The following KAT2B variants were observed in gnomAD, a reference collection of about 807,000 sequenced individuals.
KAT2B encodes the protein lysine acetyltransferase 2B, also known as histone acetyltransferase KAT2B.
KAT2B carries 36 observed loss-of-function variants against 105.9 expected under a neutral mutation model. The ratio of observed to expected loss-of-function variants is 0.34; its 90% CI spans 0.26 to 0.45. The LOEUF (loss-of-function observed/expected upper bound fraction) is 0.45. KAT2B is among the 20% of genes least tolerant of loss of function. The pLI is 1.00. For missense variants in KAT2B, 820 were observed against 1,021.6 expected, an observed-to-expected ratio of 0.80 and a Z score of 2.69; for synonymous variants, 397 against 377.9, an observed-to-expected ratio of 1.05 and a Z score of -0.59.
At chr3:20,109,927 A>G (rs1699089917) in intron 5 of KAT2B, among the ~76,000 whole-genome samples, 2 of 152,164 alleles carry the variant, frequency 1.3e-5, no homozygotes, top group Admixed American at 1.3e-4. Flanking sequence ...CAGATGAACT[A>G]ACACTAATGA....
At chr3:20,047,752 A>T (rs952065211) in intron 1 of KAT2B, among the ~76,000 whole-genome samples, 2 of 151,932 alleles carry the variant, frequency 1.3e-5, no homozygotes, top group African/African-American at 4.8e-5. Context: ...AGCTGGGATT[A>T]CAGGCAAGTG....
intron 1 of KAT2B, among the ~76,000 whole-genome samples, chr3:20,066,831 A>G (rs1698230858): frequency 6.6e-6 from 1 of 152,120 alleles, no homozygotes. Flanking sequence ...AAATATTATT[A>G]TAATATGTAA....
At chr3:20,139,301 A>G (rs993314551) in intron 12 of KAT2B, among the ~76,000 whole-genome samples, 1 of 152,116 alleles carries the variant, frequency 6.6e-6, no homozygotes, top group Non-Finnish European at 1.5e-5. Flanking sequence ...CCTATTTATT[A>G]TCTTCTCATT....
At chr3:20,078,532 C>T (rs758167989) in intron 2 of KAT2B, among the ~76,000 whole-genome samples, 13 of 151,486 alleles carry the variant, frequency 8.6e-5, no homozygotes, top group Non-Finnish European at 1.5e-4. Context: ...AGCAACATGC[C>T]CAGCTAATTT....
intron 1 of KAT2B, among the ~76,000 whole-genome samples, chr3:20,043,150 C>T (rs1697748762): frequency 6.6e-6 from 1 of 152,096 alleles, no homozygotes; most frequent in East Asian, 1.9e-4. Flanking sequence ...AGCAATTTGC[C>T]CGCCTTGCTT....
chr3:20,065,763 G>C (rs182840536), intron 1 of KAT2B, among the ~76,000 whole-genome samples: 1 of 151,948 alleles, frequency 6.6e-6, no homozygotes, highest in African/African-American at 2.4e-5. Context: ...ATATCAATAG[G>C]GTATAACTTT....
intron 1 of KAT2B, among the ~76,000 whole-genome samples, chr3:20,059,783 A>G (rs1444589731): frequency 6.6e-6 from 1 of 152,232 alleles, no homozygotes; most frequent in African/African-American, 2.4e-5. Context: ...TAAGTGTACA[A>G]TTCAATGATT....
intron 9 of KAT2B, among the ~76,000 whole-genome samples, chr3:20,125,421 A>AGTTT (rs1198152816): frequency 3.3e-5 from 5 of 152,220 alleles, no homozygotes; most frequent in Non-Finnish European, 7.3e-5. Flanking sequence ...GATTCCTTGA[A>AGTTT]GCCAGAGGTT....
intron 7 of KAT2B, among the ~76,000 whole-genome samples, chr3:20,116,046 C>T (rs999663153): frequency 1.3e-5 from 2 of 151,870 alleles, no homozygotes; most frequent in Non-Finnish European, 2.9e-5. Flanking sequence ...TGTTTGAGCT[C>T]ATTACCAAAA....
Position 20,072,388 on chromosome 3 carries a change from C to T in KAT2B, c.359C>T (p.Pro120Leu). Residue 120 changes from proline (P) to leucine (L), a missense_variant, in exon 2 of 18, where the codon CCC becomes CTC. By Grantham distance (98) the Pro-to-Leu change is moderately conservative (BLOSUM62 -3). This residue lies in a region of KAT2B where 190 missense variants were observed against 176.7 expected (regional missense o/e 1.08). Coordinates refer to ENST00000263754, the MANE Select transcript of KAT2B (RefSeq NM_003884.5). The part of the protein sequence containing the change: ...GWKNPNPSPT[P>L]PRADLQQIIV... ...AAAAACCCTAACCCCTCACCCACTCCCCCCAGAGCCGACCTGCAGCAAATA... is the reference window on the plus strand; with the variant it reads ...AAAAACCCTAACCCCTCACCCACTCTCCCCAGAGCCGACCTGCAGCAAATA... 6.2e-7 allele frequency: 1 copy of T among 1,613,158 alleles called. No homozygotes were observed. Among genetic ancestry groups the T allele is most frequent in the Non-Finnish European group, 8.5e-7 (1 of 1,179,142 alleles).
At chr3:20,049,127 C>T (rs2365790) in intron 1 of KAT2B, among the ~76,000 whole-genome samples, 97,191 of 151,892 alleles carry the variant, frequency 0.64, 31,955 homozygotes, top group African/African-American at 0.78. Context: ...CTCAAAGTGC[C>T]GGGATTACAG....
chr3:20,097,018 C>T (rs1208305093), intron 3 of KAT2B, among the ~76,000 whole-genome samples: 2 of 152,092 alleles, frequency 1.3e-5, no homozygotes, highest in Non-Finnish European at 2.9e-5. Context: ...GGATTCCCCA[C>T]AGCCATTAGC....
chr3:20,107,251 G>A (rs1348991907), intron 5 of KAT2B, among the ~76,000 whole-genome samples: 2 of 148,298 alleles, frequency 1.3e-5, no homozygotes, highest in Non-Finnish European at 3.0e-5. Context: ...GGCTGATCTC[G>A]AACTCCTGAC....
chr3:20,057,994 G>A (rs1446646011), intron 1 of KAT2B, among the ~76,000 whole-genome samples: 2 of 152,184 alleles, frequency 1.3e-5, no homozygotes, highest in East Asian at 1.9e-4. Context: ...TAACCATGGA[G>A]AGCATAGATG....
At chr3:20,145,221 A>G (rs190306110) in intron 13 of KAT2B, among the ~76,000 whole-genome samples, 202 of 152,380 alleles carry the variant, frequency 1.3e-3, no homozygotes, top group Admixed American at 3.3e-3. Flanking sequence ...TATTAAAATC[A>G]ATTTCACCTG....
intron 3 of KAT2B, among the ~76,000 whole-genome samples, chr3:20,098,969 CAGTA>C (rs1698859834): frequency 6.6e-6 from 1 of 152,020 alleles, no homozygotes; most frequent in Non-Finnish European, 1.5e-5. Flanking sequence ...ACTGAAAAGG[CAGTA>C]AGCGAGAAAG....
intron 5 of KAT2B, among the ~76,000 whole-genome samples, chr3:20,111,201 T>G (rs1214128645): frequency 6.6e-6 from 1 of 152,240 alleles, no homozygotes; most frequent in Admixed American, 6.5e-5. Context: ...AGTATTTCAT[T>G]TAATGCTCAC....
intron 14 of KAT2B, 58 bp from the exon 15 acceptor site, chr3:20,147,905 T>C (rs377212140): frequency 3.6e-5 from 55 of 1,523,472 alleles, no homozygotes; most frequent in Non-Finnish European, 4.5e-5. Context: ...GTATTAACTA[T>C]GTTATTCTCT....
intron 2 of KAT2B, among the ~76,000 whole-genome samples, chr3:20,092,390 A>T (rs1228627980): frequency 1.3e-5 from 2 of 151,558 alleles, no homozygotes; most frequent in Non-Finnish European, 2.9e-5. Flanking sequence ...CGCCACATCC[A>T]GCTTATTTTT....
Sources: allele counts gnomAD v4.1 joint callset (sites outside exome capture counted in the v4.1 genomes callset), GRCh38; gene constraint gnomAD v4.1.1; regional missense constraint gnomAD v4.1.1; transcripts MANE v1.5; gene names NCBI Gene and HGNC (gene_info 2026-07-23, HGNC 2026-07-21).